TAF1: variants seen among roughly 807,000 people sequenced by gnomAD.
The protein encoded by TAF1 is transcription initiation factor TFIID subunit 1.
TAF1 carries 2 observed loss-of-function variants against 138.5 expected under a neutral mutation model. The ratio of observed to expected loss-of-function variants is 0.01; its 90% CI spans 0.01 to 0.05. The LOEUF is 0.05. Ranked by LOEUF, TAF1 falls within the 10% of genes least tolerant of loss-of-function variation. TAF1 has a pLI of 1.00. For synonymous variants in TAF1, 437 were observed against 503.2 expected (o/e 0.87, Z 1.76); for missense variants, 709 against 1,478.0 (o/e 0.48, Z 8.53).
rs767312784 is a variant in TAF1 at position 71,476,886 on chromosome X, C to T, written c.1366+16083C>T. Among the ~76,000 whole-genome samples, 7 of 109,883 alleles carry T rather than the reference C, an allele frequency of 6.4e-5. No homozygotes were observed. The South Asian group carries it at 1.5e-3, about 24-fold the overall frequency. ...AATGGGATCCCTACCTCGTACATCA[C>T]GCAAAAATCAATCTAGATGGATAAA... On this transcript the variant is annotated intron_variant and NMD_transcript_variant, in intron 13 of 14. Transcript: ENST00000373775.
In TAF1 at chrX:71,382,520, T is replaced by C; in HGVS notation, c.1538-16T>C. The C allele has an allele frequency of 8.3e-7, 1 of 1,201,589 alleles. No homozygotes were observed. ...TTCAGGGAGAGCAACTCAAGTGATT[T>C]TTGTTTTATTCTCAGAAATTCCTGA... On this transcript the variant is annotated splice_polypyrimidine_tract_variant and intron_variant, in intron 9 of 37. Transcript: ENST00000423759.
chrX:71,378,707 T>G (rs1028825986), intron 7 of TAF1, 117 bp from the exon 8 acceptor site: 15 of 808,716 alleles, frequency 1.9e-5, no homozygotes, highest in Non-Finnish European at 2.5e-5. Flanking sequence ...ATCAGGTGGT[T>G]GTTTCAAGTA....
chrX:71,371,045 G>A (rs780672445), intron 3 of TAF1, among the ~76,000 whole-genome samples: 91 of 111,747 alleles, frequency 8.1e-4, no homozygotes, highest in Non-Finnish European at 1.4e-3. Flanking sequence ...CACCCTGACT[G>A]GGGGGACATG....
At chrX:71,429,519 G>A (rs975512806) in intron 32 of TAF1, among the ~76,000 whole-genome samples, 20 of 110,412 alleles carry the variant, frequency 1.8e-4, no homozygotes, top group Non-Finnish European at 2.8e-4. Flanking sequence ...GTGGAATTAC[G>A]TTTGGTAGTG....
At chrX:71,440,687 C>T (rs1359086534) in intron 32 of TAF1, among the ~76,000 whole-genome samples, 2 of 111,279 alleles carry the variant, frequency 1.8e-5, no homozygotes, top group Admixed American at 1.9e-4. Flanking sequence ...TACATTCCCA[C>T]CAGCAATGTA....
intron 3 of TAF1, among the ~76,000 whole-genome samples, chrX:71,369,749 G>A (rs1257371140): frequency 9.2e-6 from 1 of 108,350 alleles, no homozygotes; most frequent in Non-Finnish European, 1.9e-5. Flanking sequence ...GGGACTACAG[G>A]CGCCCACCAC....
At chrX:71,385,657 T>C (rs918811244) in intron 14 of TAF1, among the ~76,000 whole-genome samples, 1 of 111,822 alleles carries the variant, frequency 8.9e-6, no homozygotes. Context: ...CCTACTCTTA[T>C]ACCTAGTTTA....
intron 13 of TAF1, among the ~76,000 whole-genome samples, chrX:71,484,514 G>T (rs1226859216): frequency 1.8e-5 from 2 of 110,513 alleles, no homozygotes; most frequent in African/African-American, 6.6e-5. Context: ...TGTATTTTCA[G>T]TAGAGACAGG....
At chrX:71,462,617 T>TAAAG (rs61712150) in intron 37 of TAF1, among the ~76,000 whole-genome samples, 8,095 of 110,699 alleles carry the variant, frequency 0.073, 672 homozygotes, top group African/African-American at 0.24. Flanking sequence ...ACTCCCCTAA[T>TAAAG]AAACGCAGTA....
intron 28 of TAF1, among the ~76,000 whole-genome samples, chrX:71,417,544 T>C (rs766414268): frequency 1.8e-5 from 2 of 109,773 alleles, no homozygotes; most frequent in South Asian, 7.9e-4. Flanking sequence ...TTTTTTTTCT[T>C]GTAGAGACAG....
At position 71,424,187 on chromosome X, in the gene TAF1, A is replaced by C. The variant is rs901931636; in HGVS notation, c.4702A>C (p.Ser1568Arg). ...CAAGCACAAGTATCAGAGTCGGGAG[A>C]GCTTTCTGGATGATGTAAACCTTAT... ...ISKHKYQSRE[S>R]FLDDVNLILA... Residue 1568 changes from serine to arginine, a missense_variant, in exon 32 of 38, where the codon AGC becomes CGC. Physicochemically the swap from Ser to Arg is moderately radical, Grantham distance 110 (BLOSUM62 -1). Around this residue, in one of 14 missense-constraint regions of TAF1, gnomAD observed 36 missense variants for 47.3 expected, o/e 0.76. Coordinates refer to ENST00000423759, the MANE Select transcript of TAF1 (RefSeq NM_004606.5). 2.5e-6 allele frequency: 3 copies of C among 1,208,900 alleles called. No homozygotes were observed. The African/African-American group carries it at 5.3e-5, about 21-fold the overall frequency.
rs2034794393 is a variant in TAF1 at position 71,395,419 on chromosome X, C to T, written c.3406+1174C>T. Reference sequence around the variant, plus strand: ...ACTCGGGAGGCTGAGGTGGGAGGATCGCTTGAGCCTGGGAGGCAGAGGTTG... The same window carrying T: ...ACTCGGGAGGCTGAGGTGGGAGGATTGCTTGAGCCTGGGAGGCAGAGGTTG... On this transcript the variant is annotated intron_variant, in intron 22 of 37. Transcript: ENST00000423759. Among the ~76,000 whole-genome samples, 4 of 110,943 alleles carry T rather than the reference C, an allele frequency of 3.6e-5. No individual in the cohort carries two copies. The Admixed American group carries it at 3.9e-4, about 11-fold the overall frequency.
At chrX:71,446,664 T>A (rs1045508645) in intron 32 of TAF1, among the ~76,000 whole-genome samples, 1 of 112,430 alleles carries the variant, frequency 8.9e-6, no homozygotes, top group Non-Finnish European at 1.9e-5. Context: ...CATTTATATA[T>A]TTTTAAGTTG....
chrX:71,478,016 T>C (rs2039008689), intron 13 of TAF1, among the ~76,000 whole-genome samples: 1 of 110,109 alleles, frequency 9.1e-6, no homozygotes, highest in African/African-American at 3.3e-5. Context: ...TAAACTTTTG[T>C]TCATCATAAG....
intron 21 of TAF1, 113 bp downstream of exon 21, chrX:71,393,589 A>G (rs948005393): frequency 6.3e-6 from 6 of 954,044 alleles, no homozygotes; most frequent in Middle Eastern, 3.2e-4. Context: ...AGGTAGTCAG[A>G]TATCTGACAT....
chrX:71,503,277 A>AATATATATATATATATATGTGTATAT (rs2039546683), intron 13 of TAF1, among the ~76,000 whole-genome samples: 3 of 90,163 alleles, frequency 3.3e-5, no homozygotes, highest in African/African-American at 1.4e-4. Flanking sequence ...TCAAAAAAAA[A>AATATATATATATATATATGTGTATAT]ATATATATAT....
At chrX:71,522,740 T>G (rs1255335767) in intron 13 of TAF1, among the ~76,000 whole-genome samples, 1 of 53,790 alleles carries the variant, frequency 1.9e-5, no homozygotes, top group African/African-American at 7.3e-5. Flanking sequence ...TCATCATATT[T>G]TGTGATAAAA....
At position 71,378,942 on chromosome X, in the gene TAF1, A is replaced by C; in HGVS notation, c.1271A>C (p.His424Pro). The change falls in exon 8 of 38, where the codon CAC becomes CCC. Residue 424 changes from histidine to proline, a missense_variant. Coordinates refer to ENST00000423759, the MANE Select transcript of TAF1 (RefSeq NM_004606.5). ...DIIWDGEDVK[H>P]KGTKPQRASL... ...ATCTGGGATGGGGAGGATGTCAAACACAAAGGGACAAAACCTCAGCGTGCA... is the reference window on the plus strand; with the variant it reads ...ATCTGGGATGGGGAGGATGTCAAACCCAAAGGGACAAAACCTCAGCGTGCA... The C allele has an allele frequency of 8.3e-7, 1 of 1,210,684 alleles. No individual in the cohort carries two copies. Among genetic ancestry groups the C allele is most frequent in the Non-Finnish European group, 1.1e-6 (1 of 895,380 alleles).
chrX:71,457,528 C>T (rs1413669361), intron 34 of TAF1, among the ~76,000 whole-genome samples: 2 of 112,126 alleles, frequency 1.8e-5, no homozygotes, highest in Admixed American at 9.5e-5. Context: ...AGTCCATTTG[C>T]TGAATCCCTG....
Sources: allele counts gnomAD v4.1 joint callset (sites outside exome capture counted in the v4.1 genomes callset), GRCh38; gene constraint gnomAD v4.1.1; regional missense constraint gnomAD v4.1.1; transcripts MANE v1.5; gene names NCBI Gene and HGNC (gene_info 2026-07-23, HGNC 2026-07-21).